SYN3: variants seen among roughly 807,000 people sequenced by gnomAD.
SYN3 encodes synapsin-3.
In SYN3, 35 loss-of-function variants were observed where a neutral mutation model predicts 65.8. The observed-to-expected ratio is 0.53, with a 90% confidence interval of 0.41 to 0.70. The LOEUF is 0.70. Among genes scored for constraint, SYN3 ranks in the 30% least tolerant of loss-of-function variants. The probability of loss-of-function intolerance (pLI) is 0.00; values close to 1 mark genes in which losing one functional copy is unlikely to be tolerated. For missense variants in SYN3, 680 were observed against 749.0 expected (o/e 0.91, Z 1.08); for synonymous variants, 270 against 292.9 (o/e 0.92, Z 0.80).
chr22:32,726,401 A>G (rs2061194317), intron 6 of SYN3, among the ~76,000 whole-genome samples: 1 of 152,226 alleles, frequency 6.6e-6, no homozygotes, highest in Non-Finnish European at 1.5e-5. Flanking sequence ...TTGGCCTCCC[A>G]AAGTGCTGGG....
chr22:32,584,596 A>G (rs116296194), intron 7 of SYN3, among the ~76,000 whole-genome samples: 458 of 152,274 alleles, frequency 3.0e-3, no homozygotes, highest in African/African-American at 0.011. Flanking sequence ...TTTGTTTTTC[A>G]TGGAGGGGTC....
At chr22:32,668,053 A>G (rs1261412796) in intron 6 of SYN3, among the ~76,000 whole-genome samples, 1 of 151,418 alleles carries the variant, frequency 6.6e-6, no homozygotes, top group African/African-American at 2.4e-5. Flanking sequence ...AGCCTCCCAA[A>G]GTGCTGGGAT....
chr22:32,599,939 C>T (rs926758048), intron 6 of SYN3, among the ~76,000 whole-genome samples: 10 of 151,946 alleles, frequency 6.6e-5, no homozygotes, highest in African/African-American at 2.4e-4. Context: ...TGGGGTACGT[C>T]GCGGTCATGT....
intron 4 of SYN3, among the ~76,000 whole-genome samples, chr22:32,928,497 C>G (rs576893305): frequency 1.3e-5 from 2 of 152,180 alleles, no homozygotes; most frequent in Non-Finnish European, 2.9e-5. Flanking sequence ...AGATCTCATG[C>G]AATTTATTAA....
chr22:32,577,725 G>C (rs1180886041), intron 7 of SYN3, among the ~76,000 whole-genome samples: 3 of 152,168 alleles, frequency 2.0e-5, no homozygotes, highest in African/African-American at 7.2e-5. Context: ...ACTCACTCCT[G>C]CTCCATTGGC....
chr22:32,650,228 TC>T (rs1569124501), intron 6 of SYN3, among the ~76,000 whole-genome samples: 8 of 102,244 alleles, frequency 7.8e-5, no homozygotes, highest in South Asian at 2.9e-4. Context: ...TCTCTCTCTC[TC>T]TCTCCCTCCC....
chr22:32,953,380 T>C (rs947264902), intron 3 of SYN3, among the ~76,000 whole-genome samples: 3 of 152,138 alleles, frequency 2.0e-5, no homozygotes, highest in Non-Finnish European at 4.4e-5. Context: ...ATAATAAATA[T>C]AAATAATACA....
intron 3 of SYN3, 94 bp downstream of exon 3, chr22:32,980,551 G>T: frequency 8.7e-7 from 1 of 1,154,566 alleles, no homozygotes; most frequent in South Asian, 1.3e-5. Flanking sequence ...GGCTCATTAT[G>T]ACCACATAAG....
intron 6 of SYN3, among the ~76,000 whole-genome samples, chr22:32,717,588 T>C (rs932101515): frequency 6.6e-6 from 1 of 151,972 alleles, no homozygotes; most frequent in Non-Finnish European, 1.5e-5. Flanking sequence ...GTGGGGGTTA[T>C]GGGTGATGTC....
chr22:32,935,142 T>G (rs1461692065), intron 3 of SYN3, among the ~76,000 whole-genome samples: 1 of 152,170 alleles, frequency 6.6e-6, no homozygotes. Flanking sequence ...ATAATAACTT[T>G]GGGAATTGAA....
At chr22:32,625,090 G>C (rs1270964359) in intron 6 of SYN3, among the ~76,000 whole-genome samples, 1 of 152,120 alleles carries the variant, frequency 6.6e-6, no homozygotes, top group Admixed American at 6.6e-5. Context: ...ACTTTCTCTA[G>C]TTGGGTGGAT....
At chr22:32,663,259 A>C (rs936512234) in intron 6 of SYN3, among the ~76,000 whole-genome samples, 17 of 151,314 alleles carry the variant, frequency 1.1e-4, no homozygotes, top group African/African-American at 4.1e-4. Flanking sequence ...CTCCCCAGCC[A>C]TGTGAAACTG....
At chr22:32,908,821 T>C (rs547303204) in intron 4 of SYN3, among the ~76,000 whole-genome samples, 17 of 152,202 alleles carry the variant, frequency 1.1e-4, no homozygotes, top group Middle Eastern at 3.4e-3. Flanking sequence ...ATGGAGACCA[T>C]TGAGACACTC....
chr22:32,710,374 T>C (rs1296325289), intron 6 of SYN3, among the ~76,000 whole-genome samples: 2 of 151,630 alleles, frequency 1.3e-5, no homozygotes, highest in Non-Finnish European at 2.9e-5. Flanking sequence ...CTCATGCCTG[T>C]AATTCCAGCA....
At chr22:32,769,781 T>G (rs531902052) in intron 6 of SYN3, among the ~76,000 whole-genome samples, 68 of 152,210 alleles carry the variant, frequency 4.5e-4, no homozygotes, top group African/African-American at 1.6e-3. Flanking sequence ...CCTCCCAAAG[T>G]GCTGGGATTA....
chr22:32,950,973 G>A (rs2051272403), intron 3 of SYN3, among the ~76,000 whole-genome samples: 1 of 152,064 alleles, frequency 6.6e-6, no homozygotes, highest in South Asian at 2.1e-4. Context: ...ATTCCTAGCA[G>A]ACTGATATGT....
chr22:32,637,758 C>T (rs1037781007), intron 6 of SYN3, among the ~76,000 whole-genome samples: 4 of 151,152 alleles, frequency 2.6e-5, no homozygotes, highest in African/African-American at 9.7e-5. Flanking sequence ...CTGCCTCAGC[C>T]TCTTGAGTAG....
intron 6 of SYN3, among the ~76,000 whole-genome samples, chr22:32,757,786 T>C (rs927082724): frequency 6.6e-6 from 1 of 152,128 alleles, no homozygotes; most frequent in African/African-American, 2.4e-5. Flanking sequence ...TTAAGGTCAA[T>C]GGGAAACTAC....
intron 4 of SYN3, among the ~76,000 whole-genome samples, chr22:32,926,799 G>C (rs8135525): frequency 2.0e-5 from 3 of 152,170 alleles, no homozygotes; most frequent in Non-Finnish European, 4.4e-5. Context: ...ACAACTCCCA[G>C]AGTACTTTGT....
Sources: allele counts gnomAD v4.1 joint callset (sites outside exome capture counted in the v4.1 genomes callset), GRCh38; gene constraint gnomAD v4.1.1; transcripts MANE v1.5; gene names NCBI Gene and HGNC (gene_info 2026-07-23, HGNC 2026-07-21).